The following ACYP2 variants were observed in gnomAD, a reference collection of about 807,000 sequenced individuals.
ACYP2 encodes the protein acylphosphatase 2, also known as acylphosphatase-2.
ACYP2 carries 12 observed loss-of-function variants against 11.2 expected under a neutral mutation model. The ratio of observed to expected loss-of-function variants is 1.08; its 90% confidence interval spans 0.69 to 1.74. The LOEUF (loss-of-function observed/expected upper bound fraction) is 1.74, where lower values mean the gene tolerates loss of function less well. Ranked by LOEUF, ACYP2 falls within the 40% of genes most tolerant of loss-of-function variation. The probability of loss-of-function intolerance (pLI) is 0.00; values close to 1 mark genes in which losing one functional copy is unlikely to be tolerated. For synonymous variants in ACYP2, 43 were observed against 32.2 expected, an observed-to-expected ratio of 1.33 and a Z score of -1.13; for missense variants, 134 against 101.9, an observed-to-expected ratio of 1.31 and a Z score of -1.35.
chr2:54,036,446 T>G (rs903562069), intron 2 of ACYP2, among the ~76,000 whole-genome samples: 1 of 152,222 alleles, frequency 6.6e-6, no homozygotes, highest in African/African-American at 2.4e-5. Context: ...TGGGCATCTT[T>G]GGGGGCCTTA....
At chr2:54,090,262 C>T (rs1351582578) in intron 4 of ACYP2, among the ~76,000 whole-genome samples, 1 of 152,160 alleles carries the variant, frequency 6.6e-6, no homozygotes, top group Non-Finnish European at 1.5e-5. Context: ...CTCACCCTGC[C>T]TTGCCCCTTT....
At chr2:54,089,472 T>C (rs958006869) in intron 4 of ACYP2, among the ~76,000 whole-genome samples, 1 of 151,192 alleles carries the variant, frequency 6.6e-6, no homozygotes, top group Non-Finnish European at 1.5e-5. Flanking sequence ...TTATGGCTGG[T>C]GCAGTGGCTC....
chr2:54,194,241 T>A (rs901988024), intron 6 of ACYP2, among the ~76,000 whole-genome samples: 1 of 152,130 alleles, frequency 6.6e-6, no homozygotes, highest in Non-Finnish European at 1.5e-5. Context: ...GGTTTCACCA[T>A]GTTGGCCAGG....
At chr2:54,022,548 A>AT (rs143495646) in intron 2 of ACYP2, among the ~76,000 whole-genome samples, 3,150 of 150,052 alleles carry the variant, frequency 0.021, 106 homozygotes, top group African/African-American at 0.073. Flanking sequence ...TGCTCAGCTA[A>AT]TTTTTTTTTT....
At position 54,012,349 on chromosome 2, in the gene ACYP2, A is replaced by C. The variant is rs191389818; in HGVS notation, c.62+38539A>C. 4.5e-4 allele frequency among the ~76,000 whole-genome samples: 68 copies of C among 152,102 alleles called. 1 individual carries two copies. In the East Asian group the frequency reaches 0.012, roughly 28 times the overall value. ...AGCAAGACCTCGCTCCTATCTACTA[A>C]ATAAATAAATAATAAACATTAGCCA... is the stretch of plus-strand genomic sequence containing the variant. On this transcript the variant is annotated intron_variant, in intron 2 of 6. Coordinates refer to ENST00000607452, the MANE Select transcript of ACYP2 (RefSeq NM_001320586.2).
At chr2:54,160,265 C>G (rs180953974) in intron 6 of ACYP2, among the ~76,000 whole-genome samples, 2 of 152,176 alleles carry the variant, frequency 1.3e-5, no homozygotes, top group Non-Finnish European at 2.9e-5. Context: ...CACCCACACT[C>G]AAGGCTGGGG....
intron 4 of ACYP2, among the ~76,000 whole-genome samples, chr2:54,090,328 C>T (rs1377873864): frequency 6.6e-6 from 1 of 151,690 alleles, no homozygotes; most frequent in Non-Finnish European, 1.5e-5. Context: ...GGCTACTTGG[C>T]ATCCTCAAAA....
intron 4 of ACYP2, among the ~76,000 whole-genome samples, chr2:54,090,499 C>T (rs1372060689): frequency 2.0e-5 from 3 of 152,052 alleles, no homozygotes; most frequent in Non-Finnish European, 4.4e-5. Flanking sequence ...GGCGGGGTGG[C>T]GTGCGCCTGG....
At chr2:54,046,653 G>A (rs1675541055) in intron 2 of ACYP2, among the ~76,000 whole-genome samples, 1 of 152,150 alleles carries the variant, frequency 6.6e-6, no homozygotes, top group African/African-American at 2.4e-5. Flanking sequence ...ATGGAGGAAA[G>A]TGATATGAAC....
intron 6 of ACYP2, among the ~76,000 whole-genome samples, chr2:54,159,600 T>C (rs1290768204): frequency 1.3e-5 from 2 of 152,096 alleles, no homozygotes; most frequent in Non-Finnish European, 2.9e-5. Flanking sequence ...CTCTGCTAGG[T>C]GCTAAGGGGC....
chr2:54,218,722 A>G (rs146469596), intron 6 of ACYP2, among the ~76,000 whole-genome samples: 9 of 152,134 alleles, frequency 5.9e-5, no homozygotes, highest in South Asian at 4.1e-4. Flanking sequence ...CAGTGTCCCC[A>G]GTTTTTCTGT....
At chr2:53,990,795 T>G (rs1009740132) in intron 2 of ACYP2, among the ~76,000 whole-genome samples, 1 of 151,934 alleles carries the variant, frequency 6.6e-6, no homozygotes, top group Non-Finnish European at 1.5e-5. Context: ...GTTTTTTTTT[T>G]GTTTTGTTTT....
intron 4 of ACYP2, among the ~76,000 whole-genome samples, chr2:54,060,207 G>A (rs573529840): frequency 1.3e-5 from 2 of 152,278 alleles, no homozygotes; most frequent in South Asian, 4.1e-4. Context: ...CTATGAGTCA[G>A]ATGTTGCACA....
At chr2:54,092,687 C>T (rs1678299490) in intron 4 of ACYP2, among the ~76,000 whole-genome samples, 1 of 152,114 alleles carries the variant, frequency 6.6e-6, no homozygotes, top group Non-Finnish European at 1.5e-5. Context: ...TAAGGTTCTC[C>T]TAATGGAACC....
intron 6 of ACYP2, among the ~76,000 whole-genome samples, chr2:54,247,375 C>CA (rs1279008402): frequency 1.2e-4 from 19 of 152,300 alleles, no homozygotes; most frequent in African/African-American, 4.1e-4. Flanking sequence ...GGACAAAGTA[C>CA]ATTGTCTTCC....
At chr2:54,150,213 G>T (rs1429642303) in intron 6 of ACYP2, among the ~76,000 whole-genome samples, 2 of 152,148 alleles carry the variant, frequency 1.3e-5, no homozygotes, top group Non-Finnish European at 2.9e-5. Flanking sequence ...GTGGTACATG[G>T]GCAGAGTGGA....
At position 54,255,518 on chromosome 2, in the gene ACYP2, G is replaced by C. The variant is rs1404601186; in HGVS notation, c.405-49170G>C. ...TCAGCCTCTGCATTCACGGAGTCCA[G>C]TTCCAGCTGGATGGACTCCAGGGGG... On this transcript the variant is annotated intron_variant, in intron 6 of 6. Coordinates refer to ENST00000607452, the MANE Select transcript of ACYP2 (RefSeq NM_001320586.2). 3.7e-6 allele frequency: 6 copies of C among 1,613,800 alleles called. No individual in the cohort carries two copies. Among genetic ancestry groups the C allele is most frequent in the African/African-American group, 1.3e-5 (1 of 74,890 alleles).
intron 6 of ACYP2, among the ~76,000 whole-genome samples, chr2:54,199,158 G>A (rs1684644334): frequency 6.6e-6 from 1 of 152,338 alleles, no homozygotes. Context: ...CATCAGCCCT[G>A]TGAACGGTCC....
At position 54,021,492 on chromosome 2, in the gene ACYP2, T is replaced by C. The variant is rs189707999; in HGVS notation, c.63-29466T>C. ...CTTTGAAGAGGAATTTATTATATCC[T>C]ACAGTAAATAAGTTGGGTGATCACT... is the stretch of plus-strand genomic sequence containing the variant. On this transcript the variant is annotated intron_variant, in intron 2 of 6. Transcript: ENST00000607452. Among the ~76,000 whole-genome samples the C allele has an allele frequency of 4.7e-4, 72 of 152,336 alleles. No homozygotes were observed. The Middle Eastern group carries it at 0.027, about 58-fold the overall frequency.
Sources: gnomAD v4.1 joint callset for allele counts (sites outside exome capture counted in the v4.1 genomes callset) on GRCh38, gnomAD v4.1.1 for gene constraint, MANE v1.5 for transcripts, NCBI Gene and HGNC (gene_info 2026-07-23, HGNC 2026-07-21) for gene names.